ASB4: variants seen among roughly 807,000 people sequenced by gnomAD.
The protein encoded by ASB4 is ankyrin repeat and SOCS box containing 4.
In ASB4, 35 loss-of-function variants were observed where a neutral mutation model predicts 38.6. The ratio of observed to expected loss-of-function variants is 0.91; its 90% confidence interval spans 0.69 to 1.20. The LOEUF is 1.20. Ranked by LOEUF, ASB4 falls within the 50% of genes most tolerant of loss-of-function variation. The pLI, the probability that ASB4 is intolerant of heterozygous loss-of-function variation, is 0.00. For synonymous variants in ASB4, 195 were observed against 201.3 expected (o/e 0.97, Z 0.26); for missense variants, 557 against 527.2 (o/e 1.06, Z -0.55).
chr7:95,498,815 T>A (rs1790289061), intron 2 of ASB4, among the ~76,000 whole-genome samples: 1 of 152,106 alleles, frequency 6.6e-6, no homozygotes, highest in Non-Finnish European at 1.5e-5. Flanking sequence ...TTTGAGTTAA[T>A]TTTTTTATAT....
At chr7:95,499,337 TAGA>T (rs1562812245) in intron 2 of ASB4, among the ~76,000 whole-genome samples, 1 of 152,130 alleles carries the variant, frequency 6.6e-6, no homozygotes, top group East Asian at 1.9e-4. Flanking sequence ...ATTTCAATGT[TAGA>T]AGGATGAGGA....
Position 95,508,452 on chromosome 7 carries a change from C to A in ASB4, c.487+12395C>A, listed in dbSNP as rs115739885. Among the ~76,000 whole-genome samples, 1,212 of 152,166 alleles carry A rather than the reference C, an allele frequency of 8.0e-3. 21 individuals are homozygous for A. The highest frequency in any genetic ancestry group is 0.028 in the African/African-American group (1,162 of 41,504). The stretch of plus-strand genomic sequence containing the variant: ...TGTTAGAGAGGAAATATTATATTTT[C>A]TATAATTATAGAGAATAATTATTAT... On this transcript the variant is annotated intron_variant, in intron 2 of 4. Transcript: ENST00000325885.
At chr7:95,547,594 G>C in the ASB4 span, among the ~76,000 whole-genome samples, 1 of 152,140 alleles carries the variant, frequency 6.6e-6, no homozygotes, top group East Asian at 1.9e-4. Context: ...TAGATGTGAG[G>C]GTTAGTTTTG....
At position 95,537,570 on chromosome 7, in the gene ASB4, G is replaced by A. The variant is rs1335456651; in HGVS notation, c.1093-1G>A. On this transcript the variant is annotated splice_acceptor_variant, in intron 4 of 4. Coordinates refer to ENST00000325885, the MANE Select transcript of ASB4 (RefSeq NM_016116.3). LOFTEE classifies it high-confidence loss of function. Reference sequence around the variant, plus strand: ...TTAATTTGTCTTGCCTTCCTTTTCAGAAATACTGGGATTTTTACCACTCTC... The same window carrying A: ...TTAATTTGTCTTGCCTTCCTTTTCAAAAATACTGGGATTTTTACCACTCTC... The A allele has an allele frequency of 1.3e-6, 2 of 1,587,910 alleles. No individual in the cohort carries two copies. Among genetic ancestry groups the A allele is most frequent in the South Asian group, 1.1e-5 (1 of 87,596 alleles).
chr7:95,486,618 C>G (rs980601435), intron 1 of ASB4, among the ~76,000 whole-genome samples: 1 of 152,202 alleles, frequency 6.6e-6, no homozygotes, highest in Non-Finnish European at 1.5e-5. Context: ...AGGAATCTCC[C>G]CAACATTTGG....
intron 2 of ASB4, among the ~76,000 whole-genome samples, chr7:95,517,737 G>C (rs189404092): frequency 6.6e-6 from 1 of 152,276 alleles, no homozygotes; most frequent in East Asian, 1.9e-4. Context: ...AGTTCCAGTG[G>C]AGTGTGGGGA....
intron 1 of ASB4, among the ~76,000 whole-genome samples, chr7:95,493,802 C>G (rs1790208119): frequency 1.3e-5 from 2 of 152,072 alleles, no homozygotes; most frequent in African/African-American, 2.4e-5. Flanking sequence ...CTCCCTGCTT[C>G]TCTCATTCAG....
rs1379091968 is a variant in ASB4 at position 95,491,499 on chromosome 7, G to A, written c.188-4259G>A. Among the ~76,000 whole-genome samples the A allele has an allele frequency of 2.6e-5, 4 of 152,198 alleles. No homozygotes were observed. In the East Asian group the frequency reaches 7.7e-4, roughly 29 times the overall value. On this transcript the variant is annotated intron_variant, in intron 1 of 4. Transcript: ENST00000325885. ...AAGTCTGCAGAGGTGAGCAGAGGGG[G>A]GCTTTTGAAAGACAAATACTAGGAA...
chr7:95,521,791 A>G (rs796400190), intron 2 of ASB4, among the ~76,000 whole-genome samples: 39 of 148,198 alleles, frequency 2.6e-4, no homozygotes, highest in African/African-American at 9.4e-4. Context: ...ACAAAATAAT[A>G]GTATATTTTT....
At chr7:95,521,686 T>TTA (rs1484924239) in intron 2 of ASB4, among the ~76,000 whole-genome samples, 4 of 147,744 alleles carry the variant, frequency 2.7e-5, no homozygotes, top group African/African-American at 9.9e-5. Context: ...CAGTTGAAAT[T>TTA]AAAAAAAAAA....
At chr7:95,527,383 T>C (rs1790753054) in intron 2 of ASB4, among the ~76,000 whole-genome samples, 1 of 152,250 alleles carries the variant, frequency 6.6e-6, no homozygotes, top group Admixed American at 6.5e-5. Context: ...TATTATTTTG[T>C]GGAATATTCT....
chr7:95,489,649 A>G (rs1339066997), intron 1 of ASB4, among the ~76,000 whole-genome samples: 1 of 152,234 alleles, frequency 6.6e-6, no homozygotes. Flanking sequence ...AAAAGCAAAA[A>G]CAAGTAAGCC....
intron 2 of ASB4, among the ~76,000 whole-genome samples, chr7:95,497,343 A>T (rs1420444702): frequency 6.6e-6 from 1 of 152,134 alleles, no homozygotes; most frequent in African/African-American, 2.4e-5. Context: ...GAAGTTTAGG[A>T]GATGGGTTTG....
At chr7:95,488,598 T>C (rs1288850917) in intron 1 of ASB4, among the ~76,000 whole-genome samples, 1 of 152,214 alleles carries the variant, frequency 6.6e-6, no homozygotes, top group East Asian at 1.9e-4. Context: ...CATTTCTGTG[T>C]GGCCTTAAAA....
chr7:95,478,367 A>T (rs1789995933), upstream of ASB4: 1 of 152,216 alleles, frequency 6.6e-6, no homozygotes, highest in East Asian at 1.9e-4. Context: ...GAGACCTGGA[A>T]CACAGAGCTA....
upstream of ASB4, among the ~76,000 whole-genome samples, chr7:95,476,049 C>T (rs1386395972): frequency 2.6e-5 from 4 of 152,228 alleles, no homozygotes; most frequent in Non-Finnish European, 4.4e-5. Flanking sequence ...TGTGATCTTT[C>T]CTTTTTATAA....
At chr7:95,496,986 G>A (rs866492878) in intron 2 of ASB4, among the ~76,000 whole-genome samples, 21 of 152,108 alleles carry the variant, frequency 1.4e-4, no homozygotes, top group African/African-American at 4.6e-4. Context: ...ATAAAACTTG[G>A]AATATTAAAC....
At chr7:95,529,607 A>G (rs1790791105) in intron 3 of ASB4, among the ~76,000 whole-genome samples, 1 of 152,204 alleles carries the variant, frequency 6.6e-6, no homozygotes, top group African/African-American at 2.4e-5. Flanking sequence ...CTTGGTTATC[A>G]GGATGCTAAT....
At chr7:95,535,028 G>A (rs1790870550) in intron 3 of ASB4, among the ~76,000 whole-genome samples, 1 of 151,968 alleles carries the variant, frequency 6.6e-6, no homozygotes, top group African/African-American at 2.4e-5. Flanking sequence ...CCTCTTTACT[G>A]TCAACACACA....
Sources: allele counts gnomAD v4.1 joint callset (sites outside exome capture counted in the v4.1 genomes callset), GRCh38; gene constraint gnomAD v4.1.1; transcripts MANE v1.5; gene names NCBI Gene and HGNC (gene_info 2026-07-23, HGNC 2026-07-21).